The following PTPRT variants were observed in gnomAD, a reference collection of about 807,000 sequenced individuals.
PTPRT encodes the protein receptor-type tyrosine-protein phosphatase T.
PTPRT carries 56 observed loss-of-function variants against 176.8 expected under a neutral mutation model. That is an observed-to-expected ratio of 0.32 (90% CI 0.26 to 0.40). PTPRT has a LOEUF of 0.40. Among genes scored for constraint, PTPRT ranks in the 10% least tolerant of loss-of-function variants. The pLI is 1.00. For synonymous variants in PTPRT, 783 were observed against 739.0 expected (o/e 1.06, Z -0.96); for missense variants, 1,540 against 1,908.2 (o/e 0.81, Z 3.60).
chr20:42,104,936 T>G (rs995432140), intron 24 of PTPRT, among the ~76,000 whole-genome samples: 5 of 152,172 alleles, frequency 3.3e-5, no homozygotes, highest in Admixed American at 6.5e-5. Context: ...GAAGATGTAA[T>G]AGCATAGTCA....
chr20:42,354,106 T>A (rs929447953), intron 9 of PTPRT, among the ~76,000 whole-genome samples: 4 of 152,044 alleles, frequency 2.6e-5, no homozygotes, highest in Non-Finnish European at 5.9e-5. Context: ...CAGAAAAGCA[T>A]AACTCTTGAT....
intron 2 of PTPRT, among the ~76,000 whole-genome samples, chr20:42,846,247 A>G (rs1191472602): frequency 6.6e-6 from 1 of 152,204 alleles, no homozygotes; most frequent in Non-Finnish European, 1.5e-5. Context: ...CTCATGCAGA[A>G]AGCAGCTCTG....
chr20:42,427,977 C>T (rs1242415672), intron 9 of PTPRT, among the ~76,000 whole-genome samples: 1 of 152,178 alleles, frequency 6.6e-6, no homozygotes, highest in Non-Finnish European at 1.5e-5. Context: ...TAAAATGGCC[C>T]CACCCCTATC....
intron 6 of PTPRT, among the ~76,000 whole-genome samples, chr20:42,712,858 G>GA (rs1376056412): frequency 6.6e-6 from 1 of 152,088 alleles, no homozygotes; most frequent in African/African-American, 2.4e-5. Context: ...TTTGTAACAG[G>GA]AAAAAACTGA....
chr20:42,703,466 T>G lies in PTPRT; in HGVS notation c.860-25307A>C, dbSNP rs183972035. On this transcript the variant is annotated intron_variant, in intron 6 of 30. Coordinates refer to ENST00000373187, the MANE Select transcript of PTPRT (RefSeq NM_007050.6). ...GCATTGTTACCAGGAGTGGGGTGAATGGAAGTTGAACCCCAACCTAAAAGT... is the reference window on the plus strand; with the variant it reads ...GCATTGTTACCAGGAGTGGGGTGAAGGGAAGTTGAACCCCAACCTAAAAGT... 2.5e-3 allele frequency among the ~76,000 whole-genome samples: 380 copies of G among 152,142 alleles called. 1 individual carries two copies. The highest frequency in any genetic ancestry group is 4.4e-3 in the Non-Finnish European group (296 of 67,998).
At chr20:42,185,556 G>T (rs975000083) in intron 16 of PTPRT, among the ~76,000 whole-genome samples, 37 of 152,288 alleles carry the variant, frequency 2.4e-4, no homozygotes, top group South Asian at 4.2e-4. Context: ...GTGGGAGAGA[G>T]GCTAAGATCC....
chr20:42,405,233 T>G (rs2058949790), intron 9 of PTPRT, among the ~76,000 whole-genome samples: 1 of 151,606 alleles, frequency 6.6e-6, no homozygotes, highest in East Asian at 1.9e-4. Context: ...AGGGTACATG[T>G]GCATAACGTG....
intron 2 of PTPRT, among the ~76,000 whole-genome samples, chr20:42,823,964 A>G (rs910946567): frequency 2.0e-5 from 3 of 152,120 alleles, no homozygotes; most frequent in African/African-American, 7.2e-5. Flanking sequence ...ATAAAACACA[A>G]CAGCTTTCTT....
chr20:42,323,676 G>A (rs911652150), intron 11 of PTPRT, among the ~76,000 whole-genome samples: 1 of 151,954 alleles, frequency 6.6e-6, no homozygotes, highest in Non-Finnish European at 1.5e-5. Flanking sequence ...ACGAGTTAAT[G>A]GGTACAGCAC....
rs559513229 is a variant in PTPRT, at chr20:42,125,503, C to T, written c.2847+3251G>A. ...ACAGCATGAACAGAGGCCATTTGCC[C>T]TGTCTGCCTAACCTATTACAGACAG... On this transcript the variant is annotated intron_variant, in intron 19 of 30. Transcript: ENST00000373187. Among the ~76,000 whole-genome samples, 6 of 152,326 alleles carry T rather than the reference C, an allele frequency of 3.9e-5. No homozygotes were observed. In the South Asian group the frequency reaches 1.2e-3, roughly 32 times the overall value.
At chr20:42,288,726 A>G (rs1397797907) in intron 12 of PTPRT, among the ~76,000 whole-genome samples, 2 of 151,948 alleles carry the variant, frequency 1.3e-5, no homozygotes, top group East Asian at 1.9e-4. Context: ...ATAGTATTCC[A>G]TGGAGTATAT....
chr20:42,706,959 A>C (rs1426839345), intron 6 of PTPRT, among the ~76,000 whole-genome samples: 2 of 152,186 alleles, frequency 1.3e-5, no homozygotes, highest in Admixed American at 6.5e-5. Flanking sequence ...ACAGACAGGG[A>C]AACAGGGAGA....
At chr20:43,123,499 C>CT (rs1221989515) in intron 1 of PTPRT, among the ~76,000 whole-genome samples, 2 of 152,122 alleles carry the variant, frequency 1.3e-5, no homozygotes, top group African/African-American at 4.8e-5. Flanking sequence ...AGAACACGCC[C>CT]TTTTCTATGT....
intron 13 of PTPRT, among the ~76,000 whole-genome samples, chr20:42,259,537 C>G (rs1275482566): frequency 1.3e-5 from 2 of 152,126 alleles, no homozygotes; most frequent in Non-Finnish European, 2.9e-5. Flanking sequence ...CTGCCAAGAC[C>G]CAGCTGGGGT....
chr20:42,931,738 T>C (rs1376856051), intron 1 of PTPRT, among the ~76,000 whole-genome samples: 1 of 152,276 alleles, frequency 6.6e-6, no homozygotes, highest in East Asian at 1.9e-4. Flanking sequence ...GCGTAGGCGC[T>C]CAACAAGTAT....
chr20:42,935,076 C>CA (rs540997646), intron 1 of PTPRT, among the ~76,000 whole-genome samples: 1,778 of 51,612 alleles, frequency 0.034, 46 homozygotes, highest in South Asian at 0.19. Flanking sequence ...GACTTCATCT[C>CA]AAAAAAAAAA....
intron 22 of PTPRT, among the ~76,000 whole-genome samples, chr20:42,113,514 T>C (rs1987119404): frequency 6.6e-6 from 1 of 152,180 alleles, no homozygotes; most frequent in Non-Finnish European, 1.5e-5. Context: ...AGGTTACCCC[T>C]CAGTGGATGG....
chr20:42,274,090 A>G (rs986719060), intron 13 of PTPRT, among the ~76,000 whole-genome samples: 18 of 152,260 alleles, frequency 1.2e-4, no homozygotes, highest in Non-Finnish European at 2.9e-5. Context: ...TCCTGTTTAC[A>G]TATATGGTTC....
At position 42,472,414 on chromosome 20, in the gene PTPRT, C is replaced by T. The variant is rs2145290401; in HGVS notation, c.1302G>A (p.Gln434=). 2.5e-6 allele frequency: 4 copies of T among 1,614,244 alleles called. No individual in the cohort carries two copies. In the East Asian group the frequency reaches 8.9e-5, roughly 36 times the overall value. Residue 434 remains glutamine (Q), a synonymous_variant, in exon 8 of 31, where the codon CAG becomes CAA. Coordinates refer to ENST00000373187, the MANE Select transcript of PTPRT (RefSeq NM_007050.6). ...VQYQYVFNQQ[Q]YEAEEVIQTS... is the part of the protein sequence containing the mutation. ...TCTGGATGACCTCCTCGGCCTCGTA[C>T]TGCTGCTGGTTGAACACATACTGGT... is the stretch of plus-strand genomic sequence containing the variant.
Sources: allele counts gnomAD v4.1 joint callset (sites outside exome capture counted in the v4.1 genomes callset), GRCh38; gene constraint gnomAD v4.1.1; transcripts MANE v1.5; gene names NCBI Gene and HGNC (gene_info 2026-07-23, HGNC 2026-07-21).